Variants in DLEC1 observed in about 807,000 individuals in gnomAD.
DLEC1 encodes the protein deleted in lung and esophageal cancer protein 1.
DLEC1 carries 146 observed loss-of-function variants against 198.1 expected under a neutral mutation model. The observed-to-expected ratio is 0.74, with a 90% CI of 0.64 to 0.85. The LOEUF (loss-of-function observed/expected upper bound fraction) is 0.85, where lower values mean the gene tolerates loss of function less well. DLEC1 is among the 40% of genes least tolerant of loss of function. The pLI is 0.00. For synonymous variants in DLEC1, 897 were observed against 866.8 expected (o/e 1.03, Z -0.61); for missense variants, 2,233 against 2,220.0 (o/e 1.01, Z -0.12).
intron 2 of DLEC1, among the ~76,000 whole-genome samples, chr3:38,050,543 G>A (rs953768394): frequency 1.3e-5 from 2 of 152,066 alleles, no homozygotes; most frequent in Admixed American, 1.3e-4. Flanking sequence ...GCAAGTGAGA[G>A]TGGGGGTTTT....
chr3:38,106,085 G>A (rs1699552818), intron 19 of DLEC1, among the ~76,000 whole-genome samples: 1 of 151,856 alleles, frequency 6.6e-6, no homozygotes, highest in Admixed American at 6.6e-5. Context: ...CCCTTCCTTT[G>A]TACTATTATT....
At chr3:38,117,372 C>A in intron 31 of DLEC1, 70 bp downstream of exon 31, 2 of 1,596,650 alleles carry the variant, frequency 1.3e-6, no homozygotes, top group Non-Finnish European at 1.7e-6. Context: ...ACTGGTGGAG[C>A]CAGGCAGGGT....
At chr3:38,056,430 C>T (rs1261426287) in intron 2 of DLEC1, among the ~76,000 whole-genome samples, 2 of 152,124 alleles carry the variant, frequency 1.3e-5, no homozygotes, top group Non-Finnish European at 2.9e-5. Context: ...CTGCCTCAGC[C>T]TCCTGAGTAG....
intron 2 of DLEC1, among the ~76,000 whole-genome samples, 161 bp downstream of exon 2, chr3:38,045,854 A>G (rs540467450): frequency 1.3e-5 from 2 of 152,322 alleles, no homozygotes; most frequent in Admixed American, 1.3e-4. Context: ...TTTCATTACC[A>G]CAAAACACTT....
At position 38,112,493 on chromosome 3, in the gene DLEC1, G is replaced by T; in HGVS notation, c.3666+132G>T. Reference sequence around the variant, plus strand: ...ACCAGGTTGAAACGCGATGCCCACCGAGCTTGGGATGGGCATTCGTGTCTG... The same window carrying T: ...ACCAGGTTGAAACGCGATGCCCACCTAGCTTGGGATGGGCATTCGTGTCTG... On this transcript the variant is annotated intron_variant, in intron 25 of 36. Coordinates refer to ENST00000308059, the MANE Select transcript of DLEC1 (RefSeq NM_007335.4). This position sits in a 1 kb window ranked among gnomAD's most constrained non-coding sequence, Gnocchi z 4.8. The T allele has an allele frequency of 7.4e-7, 1 of 1,353,946 alleles. No homozygotes were observed. The highest frequency in any genetic ancestry group is 1.0e-6 in the Non-Finnish European group (1 of 988,124). The allele number at this position is 1,353,946 out of a possible 1,614,324, so 83.9% of individuals were successfully genotyped here.
At chr3:38,100,689 C>T (rs776217381) in intron 19 of DLEC1, among the ~76,000 whole-genome samples, 10 of 152,114 alleles carry the variant, frequency 6.6e-5, no homozygotes, top group Non-Finnish European at 1.2e-4. Context: ...TAACTACTTT[C>T]GAAACTACGT....
rs758908264 is a variant in DLEC1 at position 38,117,618 on chromosome 3, G to T, written c.4485+7G>T. On this transcript the variant is annotated splice_region_variant and intron_variant, in intron 32 of 36. Transcript: ENST00000308059. ...CGAGCAGCCCTGCTCTGGGGTGAGT[G>T]TGCTGCCACCCTCTGGCCCTGCCAG... 1.1e-5 allele frequency: 17 copies of T among 1,614,100 alleles called. No individual in the cohort carries two copies. Among genetic ancestry groups the T allele is most frequent in the Non-Finnish European group, 1.4e-5 (17 of 1,179,946 alleles).
rs556555765 is a variant in DLEC1 at position 38,123,273 on chromosome 3, A to G, written c.*861A>G. 8.7e-6 allele frequency: 6 copies of G among 688,726 alleles called. No individual in the cohort carries two copies. The highest frequency in any genetic ancestry group is 6.8e-5 in the South Asian group (4 of 59,158). 42.7% of individuals were successfully genotyped at this position (688,726 alleles called of 1,614,324 possible). A position where few individuals can be genotyped will look rare whatever the true frequency, so the allele number is the denominator to read the frequency against. On this transcript the variant is annotated 3_prime_UTR_variant, in exon 37 of 37. Transcript: ENST00000308059. ...CGGTACCCTGGCCTCCCACTTGGGC[A>G]CACACACGGTGACAGATGCCCACTG...
intron 3 of DLEC1, 102 bp from the exon 4 acceptor site, chr3:38,062,067 G>T (rs1202688398): frequency 1.2e-5 from 14 of 1,167,542 alleles, no homozygotes; most frequent in Non-Finnish European, 1.8e-5. Context: ...TTAGGAGAAA[G>T]ATCAAGCTAA....
chr3:38,101,239 C>T (rs1435834833), intron 19 of DLEC1, among the ~76,000 whole-genome samples: 2 of 152,092 alleles, frequency 1.3e-5, no homozygotes, highest in South Asian at 2.1e-4. Flanking sequence ...AGGCAAATCA[C>T]GAGGTCAGGA....
chr3:38,103,445 A>G (rs528020512), intron 19 of DLEC1: 4 of 152,242 alleles, frequency 2.6e-5, no homozygotes, highest in Non-Finnish European at 4.4e-5. Context: ...CCTCTGTTTT[A>G]TCAGTTAACC....
rs201761754 is a variant in DLEC1 at position 38,084,386 on chromosome 3, AGTG to A, written c.1261+144_1261+146del. ...TAGTAGTAGTAGTGATGGTGGTAGT[AGTG>A]GTAGTAGTAGTAGTGGTGGTGGTAG... is the stretch of plus-strand genomic sequence containing the variant. On this transcript the variant is annotated intron_variant, in intron 7 of 36. Transcript: ENST00000308059. The A allele has an allele frequency of 2.7e-4, 139 of 505,770 alleles. 4 individuals carry two copies. The highest frequency in any genetic ancestry group is 2.7e-3 in the South Asian group (111 of 41,388). 31.3% of individuals were successfully genotyped at this position (505,770 alleles called of 1,614,324 possible). A position where few individuals can be genotyped will look rare whatever the true frequency, so the allele number is the denominator to read the frequency against.
At chr3:38,090,002 A>G (rs1698659952) in intron 10 of DLEC1, among the ~76,000 whole-genome samples, 1 of 152,302 alleles carries the variant, frequency 6.6e-6, no homozygotes, top group Admixed American at 6.5e-5. Context: ...ACATAGTGAT[A>G]TACTGTCTGT....
chr3:38,040,520 G>A lies in DLEC1; in HGVS notation c.411+884G>A, dbSNP rs962717230. Among the ~76,000 whole-genome samples the A allele has an allele frequency of 3.3e-5, 5 of 152,276 alleles. No homozygotes were observed. The East Asian group carries it at 5.8e-4, about 18-fold the overall frequency. On this transcript the variant is annotated intron_variant, in intron 1 of 36. Coordinates refer to ENST00000308059, the MANE Select transcript of DLEC1 (RefSeq NM_007335.4). ...AGATACTTACAGGACCAGTCTCGCC[G>A]CCTCCACGGGTTATAGGCTTCTTAA...
Position 38,121,796 on chromosome 3 carries a change from G to T in DLEC1, c.5020+15G>T. 8 of 1,612,726 alleles carry T rather than the reference G, an allele frequency of 5.0e-6. No individual in the cohort carries two copies. In the South Asian group the frequency reaches 8.8e-5, roughly 18 times the overall value. On this transcript the variant is annotated intron_variant, in intron 35 of 36. Transcript: ENST00000308059. ...TATGCTGATGGGTATGTCCTACCCT[G>T]CCACCTACCCACCGTTCCCCTACAG...
At chr3:38,082,966 G>C (rs1378117043) in intron 6 of DLEC1, among the ~76,000 whole-genome samples, 1 of 152,150 alleles carries the variant, frequency 6.6e-6, no homozygotes, top group Non-Finnish European at 1.5e-5. Context: ...CAAATAAAAC[G>C]TGTCTCCTTT....
intron 10 of DLEC1, among the ~76,000 whole-genome samples, chr3:38,092,455 C>T (rs1158032578): frequency 6.6e-6 from 1 of 152,156 alleles, no homozygotes; most frequent in Non-Finnish European, 1.5e-5. Context: ...TGCTCTTTGC[C>T]AGTATGAGTG....
chr3:38,071,609 A>G (rs1470909239), intron 6 of DLEC1, among the ~76,000 whole-genome samples: 4 of 152,244 alleles, frequency 2.6e-5, no homozygotes, highest in African/African-American at 9.6e-5. Context: ...GAGGGACAGA[A>G]GTTGGAGAGC....
rs759179670 is a variant in DLEC1 at position 38,070,507 on chromosome 3, C to T, written c.1173+6588C>T. On this transcript the variant is annotated intron_variant, in intron 6 of 36. Coordinates refer to ENST00000308059, the MANE Select transcript of DLEC1 (RefSeq NM_007335.4). Reference sequence around the variant, plus strand: ...ACAATAGGTCAGTTTCATGCACGTCCGTGTGAAGAGACTGCTAAACAAGCT... The same window carrying T: ...ACAATAGGTCAGTTTCATGCACGTCTGTGTGAAGAGACTGCTAAACAAGCT... Among the ~76,000 whole-genome samples the T allele has an allele frequency of 1.6e-4, 24 of 152,200 alleles. No homozygotes were observed. The South Asian group carries it at 2.1e-3, about 13-fold the overall frequency.
Sources: allele counts gnomAD v4.1 joint callset (sites outside exome capture counted in the v4.1 genomes callset), GRCh38; gene constraint gnomAD v4.1.1; non-coding constraint Gnocchi (gnomAD v3.1); transcripts MANE v1.5; gene names NCBI Gene and HGNC (gene_info 2026-07-23, HGNC 2026-07-21).